Variants in ITPR2 observed in about 807,000 individuals in gnomAD.
The protein encoded by ITPR2 is inositol 1,4,5-trisphosphate receptor type 2, also known as inositol 1,4,5-trisphosphate-gated calcium channel ITPR2.
Under a neutral mutation model 317.1 loss-of-function variants are expected in ITPR2, and 207 were observed. The ratio of observed to expected loss-of-function variants is 0.65; its 90% confidence interval spans 0.58 to 0.73. ITPR2 has a LOEUF of 0.73. ITPR2 is among the 30% of genes least tolerant of loss of function. The pLI is 0.00. For synonymous variants in ITPR2, 1,156 were observed against 1,149.1 expected, an observed-to-expected ratio of 1.01 and a Z score of -0.12; for missense variants, 2,613 against 3,284.0, an observed-to-expected ratio of 0.80 and a Z score of 4.99.
In ITPR2 at chr12:26,704,171, A is replaced by T. The variant is rs552048617; in HGVS notation, c.951+7002T>A. Reference sequence around the variant, plus strand: ...TGAGTTAAACTCAAATGTATAGACCATAAAAAAACTATTTCAAGTTATTCA... The same window carrying T: ...TGAGTTAAACTCAAATGTATAGACCTTAAAAAAACTATTTCAAGTTATTCA... On this transcript the variant is annotated intron_variant, in intron 9 of 56. Transcript: ENST00000381340. Among the ~76,000 whole-genome samples, 28 of 151,732 alleles carry T rather than the reference A, an allele frequency of 1.8e-4. No individual in the cohort carries two copies. The South Asian group carries it at 3.7e-3, about 20-fold the overall frequency.
At chr12:26,451,529 T>C (rs7975035) in intron 45 of ITPR2, among the ~76,000 whole-genome samples, 11,764 of 152,172 alleles carry the variant, frequency 0.077, 1,095 homozygotes, top group African/African-American at 0.22. Flanking sequence ...ATATTGTAAG[T>C]TATATTTATC....
At chr12:26,611,347 A>C (rs1309291104) in intron 26 of ITPR2, among the ~76,000 whole-genome samples, 1 of 152,238 alleles carries the variant, frequency 6.6e-6, no homozygotes, top group Non-Finnish European at 1.5e-5. Flanking sequence ...TAAAAGAACA[A>C]AAATAATTAT....
chr12:26,553,777 T>C (rs907192025), intron 36 of ITPR2, among the ~76,000 whole-genome samples: 3 of 151,756 alleles, frequency 2.0e-5, no homozygotes, highest in African/African-American at 7.3e-5. Flanking sequence ...AGAGCAAGAC[T>C]CCGTCTCAAA....
chr12:26,584,902 T>C (rs148686592), intron 32 of ITPR2, among the ~76,000 whole-genome samples: 7 of 152,334 alleles, frequency 4.6e-5, no homozygotes, highest in African/African-American at 1.7e-4. Context: ...TCTGAGGTGA[T>C]ATCTCATATT....
chr12:26,537,860 G>C (rs1401707321), intron 37 of ITPR2, among the ~76,000 whole-genome samples: 9 of 152,110 alleles, frequency 5.9e-5, no homozygotes, highest in Admixed American at 5.2e-4. Flanking sequence ...GTGTTGTTTT[G>C]TTTTAAGCAA....
chr12:26,495,308 G>A, intron 37 of ITPR2, 48 bp from the exon 38 acceptor site: 1 of 1,038,878 alleles, frequency 9.6e-7, no homozygotes, highest in Admixed American at 2.1e-5. Flanking sequence ...TCTAATAAAA[G>A]TGAAAAATGT....
At chr12:26,551,819 T>G (rs1383099599) in intron 36 of ITPR2, among the ~76,000 whole-genome samples, 2 of 152,174 alleles carry the variant, frequency 1.3e-5, no homozygotes, top group African/African-American at 4.8e-5. Context: ...GCATGACAAC[T>G]GCCCGCTGAC....
intron 50 of ITPR2, among the ~76,000 whole-genome samples, chr12:26,418,579 A>C (rs564820536): frequency 6.6e-6 from 1 of 152,300 alleles, no homozygotes; most frequent in African/African-American, 2.4e-5. Context: ...TCTTAAAACA[A>C]CTGTCTCTTT....
intron 9 of ITPR2, among the ~76,000 whole-genome samples, chr12:26,707,738 C>T (rs1213080444): frequency 6.6e-6 from 1 of 152,036 alleles, no homozygotes; most frequent in African/African-American, 2.4e-5. Context: ...CCATGTTGGC[C>T]AGGCTAGTCT....
Position 26,497,909 on chromosome 12 carries a change from A to G in ITPR2, c.5074-2649T>C, listed in dbSNP as rs545365101. Among the ~76,000 whole-genome samples the G allele has an allele frequency of 3.0e-3, 454 of 151,616 alleles. 1 individual carries two copies. Among genetic ancestry groups the G allele is most frequent in the African/African-American group, 0.011 (435 of 41,294 alleles). ...TTGTTTGTTTTGTTTTGTTTTTTGT[A>G]TTTTTAGTACAGACTGGATTTCACC... On this transcript the variant is annotated intron_variant, in intron 37 of 56. Coordinates refer to ENST00000381340, the MANE Select transcript of ITPR2 (RefSeq NM_002223.4).
chr12:26,607,963 CAA>C (rs1005781103), intron 26 of ITPR2, among the ~76,000 whole-genome samples: 1 of 151,576 alleles, frequency 6.6e-6, no homozygotes, highest in African/African-American at 2.4e-5. Context: ...TAAAAAAATA[CAA>C]AAAAAATTAG....
At chr12:26,748,270 G>A (rs549562608) in intron 2 of ITPR2, among the ~76,000 whole-genome samples, 108 of 152,146 alleles carry the variant, frequency 7.1e-4, no homozygotes, top group African/African-American at 2.5e-3. Context: ...TGTTGGCCAG[G>A]CTGGTCTCAA....
chr12:26,737,886 T>G (rs1430157360), intron 2 of ITPR2, among the ~76,000 whole-genome samples: 2 of 152,200 alleles, frequency 1.3e-5, no homozygotes, highest in Non-Finnish European at 2.9e-5. Context: ...AGCATGATGC[T>G]CGCTGTGGTA....
chr12:26,357,455 C>T (rs542271474), intron 55 of ITPR2, among the ~76,000 whole-genome samples: 10 of 152,268 alleles, frequency 6.6e-5, no homozygotes, highest in African/African-American at 2.4e-4. Flanking sequence ...AGACCTCACC[C>T]CTTGTGTCAC....
At chr12:26,377,522 A>T (rs919128781) in intron 55 of ITPR2, among the ~76,000 whole-genome samples, 1 of 152,232 alleles carries the variant, frequency 6.6e-6, no homozygotes, top group Non-Finnish European at 1.5e-5. Context: ...TATTGGAGAA[A>T]CAGAAACAGC....
At chr12:26,377,046 T>C (rs956537707) in intron 55 of ITPR2, among the ~76,000 whole-genome samples, 2 of 152,128 alleles carry the variant, frequency 1.3e-5, no homozygotes, top group African/African-American at 2.4e-5. Context: ...AAGTAAAAAT[T>C]TGTAAGCACA....
At chr12:26,416,683 C>T (rs146190645) in intron 50 of ITPR2, among the ~76,000 whole-genome samples, 2 of 152,310 alleles carry the variant, frequency 1.3e-5, no homozygotes, top group East Asian at 3.9e-4. Flanking sequence ...AATCTATTTA[C>T]CTCCTGGAAG....
chr12:26,496,386 C>A (rs2136877139), intron 37 of ITPR2, among the ~76,000 whole-genome samples: 1 of 152,300 alleles, frequency 6.6e-6, no homozygotes, highest in South Asian at 2.1e-4. Flanking sequence ...TTTGGCTATT[C>A]TTTCTCAAGT....
chr12:26,605,690 C>T (rs1946114799), intron 26 of ITPR2, among the ~76,000 whole-genome samples: 1 of 152,142 alleles, frequency 6.6e-6, no homozygotes, highest in African/African-American at 2.4e-5. Flanking sequence ...CTCTTTAGTT[C>T]AGCCCAGGTG....
Sources: gnomAD v4.1 joint callset for allele counts (sites outside exome capture counted in the v4.1 genomes callset) on GRCh38, gnomAD v4.1.1 for gene constraint, MANE v1.5 for transcripts, NCBI Gene and HGNC (gene_info 2026-07-23, HGNC 2026-07-21) for gene names.